Variants in CLYBL observed in about 807,000 individuals in gnomAD.
CLYBL encodes the protein citramalyl-CoA lyase.
In CLYBL, 31 loss-of-function variants were observed where a neutral mutation model predicts 38.9. The ratio of observed to expected loss-of-function variants is 0.80; its 90% CI spans 0.60 to 1.08. The LOEUF (loss-of-function observed/expected upper bound fraction) is 1.08. Among genes scored for constraint, CLYBL ranks in the 50% least tolerant of loss-of-function variants. The pLI, the probability that CLYBL is intolerant of heterozygous loss-of-function variation, is 0.00. For missense variants in CLYBL, 434 were observed against 411.6 expected (o/e 1.05, Z -0.47); for synonymous variants, 171 against 158.6 (o/e 1.08, Z -0.59).
intron 1 of CLYBL, among the ~76,000 whole-genome samples, chr13:99,631,361 G>GTGTGTGTA (rs934469351): frequency 1.3e-5 from 2 of 149,084 alleles, no homozygotes; most frequent in South Asian, 4.2e-4. Flanking sequence ...GTGTGTGTGT[G>GTGTGTGTA]TGTATGTATA....
intron 1 of CLYBL, among the ~76,000 whole-genome samples, chr13:99,684,578 C>T (rs573591493): frequency 1.6e-4 from 25 of 152,288 alleles, no homozygotes; most frequent in African/African-American, 6.0e-4. Flanking sequence ...ACTACCACTA[C>T]CTCACCCATA....
intron 1 of CLYBL, among the ~76,000 whole-genome samples, chr13:99,766,618 A>G (rs1486029447): frequency 1.3e-5 from 2 of 151,924 alleles, no homozygotes; most frequent in Non-Finnish European, 2.9e-5. Flanking sequence ...AGGATTATTC[A>G]TTTAATCTAG....
At chr13:99,644,605 C>T (rs939692491) in intron 1 of CLYBL, among the ~76,000 whole-genome samples, 2 of 152,078 alleles carry the variant, frequency 1.3e-5, no homozygotes, top group African/African-American at 4.8e-5. Flanking sequence ...CTAGAACTTA[C>T]TTCTTTCTAT....
chr13:99,620,810 G>A (rs1464017556), intron 1 of CLYBL, among the ~76,000 whole-genome samples: 2 of 134,132 alleles, frequency 1.5e-5, no homozygotes, highest in Admixed American at 7.3e-5. Flanking sequence ...GAGAGAGAAA[G>A]AGAGAGAGAG....
In CLYBL at chr13:99,869,706, A is replaced by G. The variant is rs894279777; in HGVS notation, c.803-1232A>G. Among the ~76,000 whole-genome samples the G allele has an allele frequency of 6.6e-6, 1 of 152,102 alleles. No homozygotes were observed. On this transcript the variant is annotated intron_variant, in intron 6 of 8. Transcript: ENST00000339105. This position sits in a 1 kb window ranked among gnomAD's most constrained non-coding sequence, Gnocchi z 4.3. The stretch of plus-strand genomic sequence containing the variant: ...CAAGCATCATTCCTTTTTTCATTCT[A>G]ATAGAATAATGACAATAGGAATTGA...
intron 1 of CLYBL, among the ~76,000 whole-genome samples, chr13:99,720,636 G>C (rs1460836783): frequency 2.6e-5 from 4 of 152,184 alleles, no homozygotes; most frequent in African/African-American, 9.6e-5. Flanking sequence ...GCTTAGTTGC[G>C]TTCAAGGCTA....
At chr13:99,658,236 A>G (rs1270060655) in intron 1 of CLYBL, among the ~76,000 whole-genome samples, 1 of 152,218 alleles carries the variant, frequency 6.6e-6, no homozygotes, top group African/African-American at 2.4e-5. Flanking sequence ...TTTTGGCACC[A>G]GCAGCTTCAT....
intron 1 of CLYBL, among the ~76,000 whole-genome samples, chr13:99,768,192 C>CTTTTTTTTTTTT (rs58499426): frequency 1.0e-3 from 103 of 102,674 alleles, no homozygotes; most frequent in Non-Finnish European, 1.6e-3. Flanking sequence ...TTTTCTTTTT[C>CTTTTTTTTTTTT]TTTTTTTTTT....
chr13:99,701,702 T>G (rs1276481116), intron 1 of CLYBL, among the ~76,000 whole-genome samples: 1 of 152,156 alleles, frequency 6.6e-6, no homozygotes, highest in Admixed American at 6.5e-5. Flanking sequence ...TGAGACGAAG[T>G]CTCACTCTGT....
chr13:99,851,303 G>A (rs911435246), intron 2 of CLYBL, among the ~76,000 whole-genome samples: 1 of 149,576 alleles, frequency 6.7e-6, no homozygotes, highest in African/African-American at 2.5e-5. Context: ...GGAGGCGGAG[G>A]TTGCAGTGAG....
chr13:99,633,364 A>G (rs2046975720), intron 1 of CLYBL, among the ~76,000 whole-genome samples: 1 of 151,510 alleles, frequency 6.6e-6, no homozygotes, highest in South Asian at 2.1e-4. Flanking sequence ...ACATGGCAAA[A>G]CCCCGTCTCT....
downstream of CLYBL, among the ~76,000 whole-genome samples, chr13:99,901,636 G>A (rs28698863): frequency 2.6e-5 from 2 of 75,646 alleles, no homozygotes; most frequent in African/African-American, 1.0e-4. Context: ...TGGTTTTTTG[G>A]ATTTTTTTGT....
At chr13:99,896,540 G>A (rs1441940145), downstream of CLYBL, 1 of 152,272 alleles carries the variant, frequency 6.6e-6, no homozygotes, top group Non-Finnish European at 1.5e-5. Flanking sequence ...GGCTCCCGGT[G>A]CAGCTCCCTG....
downstream of CLYBL, chr13:99,893,093 T>A (rs2052524026): frequency 6.6e-6 from 1 of 152,262 alleles, no homozygotes; most frequent in Non-Finnish European, 1.5e-5. Context: ...GTGGGGTCCC[T>A]CATAGAGGAG....
At chr13:99,679,304 A>AAG (rs1555351596) in intron 1 of CLYBL, among the ~76,000 whole-genome samples, 1,621 of 137,734 alleles carry the variant, frequency 0.012, 45 homozygotes, top group African/African-American at 0.042. Context: ...AAAAAAAAAA[A>AAG]AAAAGAAAAG....
chr13:99,637,215 C>T (rs1190646240), intron 1 of CLYBL, among the ~76,000 whole-genome samples: 1 of 152,142 alleles, frequency 6.6e-6, no homozygotes, highest in Non-Finnish European at 1.5e-5. Context: ...GTAATAGAGG[C>T]TACCCAGTTT....
At chr13:99,698,543 C>T (rs2048013874) in intron 1 of CLYBL, among the ~76,000 whole-genome samples, 1 of 152,278 alleles carries the variant, frequency 6.6e-6, no homozygotes, top group South Asian at 2.1e-4. Context: ...CACATTTCCA[C>T]TGGGACTTGC....
chr13:99,647,915 G>T (rs1481359580), intron 1 of CLYBL, among the ~76,000 whole-genome samples: 1 of 152,144 alleles, frequency 6.6e-6, no homozygotes, highest in South Asian at 2.1e-4. Context: ...GGTTGTGAGA[G>T]AAAACTTCAG....
chr13:99,778,447 A>G (rs553486284), intron 2 of CLYBL, among the ~76,000 whole-genome samples: 1 of 152,206 alleles, frequency 6.6e-6, no homozygotes, highest in South Asian at 2.1e-4. Flanking sequence ...TCATTTTTTT[A>G]TTAATAGACT....
Sources: gnomAD v4.1 joint callset for allele counts (sites outside exome capture counted in the v4.1 genomes callset) on GRCh38, gnomAD v4.1.1 for gene constraint, Gnocchi (gnomAD v3.1) non-coding constraint, MANE v1.5 for transcripts, NCBI Gene and HGNC (gene_info 2026-07-23, HGNC 2026-07-21) for gene names.